ANKRD17: variants seen among roughly 807,000 people sequenced by gnomAD.
The protein encoded by ANKRD17 is ankyrin repeat domain 17, also known as ankyrin repeat domain-containing protein 17.
A neutral mutation model predicts 229.7 loss-of-function variants in ANKRD17; 19 were observed. The observed-to-expected ratio is 0.08, with a 90% CI of 0.06 to 0.12. ANKRD17 has a LOEUF of 0.12. Among genes scored for constraint, ANKRD17 ranks in the 10% least tolerant of loss-of-function variants. ANKRD17 has a pLI of 1.00. For missense variants in ANKRD17, 2,176 were observed against 3,176.8 expected, an observed-to-expected ratio of 0.68 and a Z score of 7.57; for synonymous variants, 1,112 against 1,146.1, an observed-to-expected ratio of 0.97 and a Z score of 0.60.
chr4:73,161,615 ACT>A (rs760393875), intron 2 of ANKRD17, among the ~76,000 whole-genome samples: 58 of 152,226 alleles, frequency 3.8e-4, no homozygotes, highest in Non-Finnish European at 7.1e-4. Flanking sequence ...GGACAATTAG[ACT>A]CTGTCATATC....
At chr4:73,235,191 G>A (rs572559421) in intron 1 of ANKRD17, among the ~76,000 whole-genome samples, 1 of 152,178 alleles carries the variant, frequency 6.6e-6, no homozygotes, top group Admixed American at 6.5e-5. Flanking sequence ...ATGTGCTTTG[G>A]GTAGAGGTGA....
chr4:73,236,879 C>G (rs1743560013), intron 1 of ANKRD17, among the ~76,000 whole-genome samples: 1 of 152,148 alleles, frequency 6.6e-6, no homozygotes, highest in Admixed American at 6.5e-5. Flanking sequence ...CCAAATCACA[C>G]AGTGTTAAAG....
intron 7 of ANKRD17, 101 bp downstream of exon 7, chr4:73,151,329 A>G: frequency 9.6e-7 from 1 of 1,037,078 alleles, no homozygotes; most frequent in East Asian, 2.6e-5. Flanking sequence ...AGGTTCTGAC[A>G]AACAGAATCA....
chr4:73,231,807 G>A (rs1380008461), intron 1 of ANKRD17, among the ~76,000 whole-genome samples: 1 of 152,136 alleles, frequency 6.6e-6, no homozygotes. Flanking sequence ...GAATAAAAGT[G>A]AAATCGATCC....
intron 1 of ANKRD17, among the ~76,000 whole-genome samples, chr4:73,191,900 C>G (rs1216972791): frequency 1.3e-5 from 2 of 152,010 alleles, no homozygotes; most frequent in African/African-American, 2.4e-5. Flanking sequence ...AATACTTGCA[C>G]ATGTAAGCAA....
chr4:73,173,911 C>T (rs1734370039), intron 2 of ANKRD17, among the ~76,000 whole-genome samples: 1 of 152,118 alleles, frequency 6.6e-6, no homozygotes, highest in Non-Finnish European at 1.5e-5. Flanking sequence ...GTGAAAAAAG[C>T]TTCCAACTGA....
At chr4:73,113,623 T>G (rs1179765631) in intron 24 of ANKRD17, among the ~76,000 whole-genome samples, 169 bp downstream of exon 24, 1 of 152,208 alleles carries the variant, frequency 6.6e-6, no homozygotes, top group Non-Finnish European at 1.5e-5. Flanking sequence ...CTTTCAATGA[T>G]GTTCAATGTA....
chr4:73,102,954 A>AAAAAATATTACATTTAGAAATATTTACAT (rs1191041733), intron 24 of ANKRD17, among the ~76,000 whole-genome samples: 5 of 152,162 alleles, frequency 3.3e-5, no homozygotes, highest in African/African-American at 1.2e-4. Context: ...AGAAAAAGTA[A>AAAAAATATTACATTTAGAAATATTTACAT]TTTGAAAGCT....
intron 24 of ANKRD17, among the ~76,000 whole-genome samples, chr4:73,110,243 G>A (rs1028585897): frequency 6.6e-6 from 1 of 152,184 alleles, no homozygotes; most frequent in African/African-American, 2.4e-5. Flanking sequence ...AACTTGACCA[G>A]ATGGAACTAC....
intron 1 of ANKRD17, among the ~76,000 whole-genome samples, chr4:73,222,503 A>T (rs558456269): frequency 4.3e-4 from 66 of 152,220 alleles, no homozygotes; most frequent in Non-Finnish European, 7.6e-4. Context: ...TACCAGCTAA[A>T]TTAAGCAATC....
intron 5 of ANKRD17, among the ~76,000 whole-genome samples, chr4:73,154,972 C>T (rs1402301969): frequency 2.0e-5 from 3 of 148,960 alleles, no homozygotes; most frequent in East Asian, 2.0e-4. Context: ...ACCCGGGAGG[C>T]GGAGCTTGCA....
intron 1 of ANKRD17, among the ~76,000 whole-genome samples, chr4:73,250,511 A>T (rs927081264): frequency 3.6e-5 from 5 of 137,524 alleles, no homozygotes; most frequent in Non-Finnish European, 7.7e-5. Flanking sequence ...GTGAGATGAG[A>T]ATTGCTTGAA....
chr4:73,143,874 G>A (rs1358238679), intron 11 of ANKRD17, among the ~76,000 whole-genome samples: 2 of 152,042 alleles, frequency 1.3e-5, no homozygotes, highest in Non-Finnish European at 2.9e-5. Flanking sequence ...CCAACTAGCT[G>A]GCACTACAGG....
At chr4:73,218,573 G>C (rs1263686358) in intron 1 of ANKRD17, among the ~76,000 whole-genome samples, 1 of 151,606 alleles carries the variant, frequency 6.6e-6, no homozygotes, top group Non-Finnish European at 1.5e-5. Flanking sequence ...AACCCCTGAG[G>C]GGGAGGTTGC....
intron 1 of ANKRD17, among the ~76,000 whole-genome samples, chr4:73,208,970 C>G (rs772508502): frequency 2.0e-5 from 3 of 152,016 alleles, no homozygotes; most frequent in African/African-American, 4.8e-5. Context: ...CCAGCACTTC[C>G]GGGGGTGGGC....
chr4:73,086,459 T>C (rs1722134936), intron 29 of ANKRD17, among the ~76,000 whole-genome samples: 1 of 152,210 alleles, frequency 6.6e-6, no homozygotes, highest in South Asian at 2.1e-4. Flanking sequence ...TACACATTTG[T>C]TTTTGAAATA....
chr4:73,244,689 T>C (rs1578510355), intron 1 of ANKRD17, among the ~76,000 whole-genome samples: 1 of 152,164 alleles, frequency 6.6e-6, no homozygotes, highest in African/African-American at 2.4e-5. Flanking sequence ...GTCTCTTTGT[T>C]CAAATGATCC....
chr4:73,169,909 C>G lies in ANKRD17; in HGVS notation c.547+7471G>C, dbSNP rs1344628750. Among the ~76,000 whole-genome samples the G allele has an allele frequency of 2.0e-5, 3 of 152,138 alleles. No individual in the cohort carries two copies. The East Asian group carries it at 5.8e-4, about 29-fold the overall frequency. On this transcript the variant is annotated intron_variant, in intron 2 of 33. Coordinates refer to ENST00000358602, the MANE Select transcript of ANKRD17 (RefSeq NM_032217.5). ...GCATAGCCGCAAGGAAATTGTCCAT[C>G]CCAGCAGTCCAAATTTGACTTCCAG...
intron 1 of ANKRD17, among the ~76,000 whole-genome samples, chr4:73,191,337 A>ATGTGTGTGTGTGTG (rs1349894740): frequency 5.8e-4 from 36 of 61,932 alleles, no homozygotes; most frequent in African/African-American, 2.1e-3. Context: ...ACCAAAAAAT[A>ATGTGTGTGTGTGTG]TATATGTGTG....
Sources: gnomAD v4.1 joint callset for allele counts (sites outside exome capture counted in the v4.1 genomes callset) on GRCh38, gnomAD v4.1.1 for gene constraint, MANE v1.5 for transcripts, NCBI Gene and HGNC (gene_info 2026-07-23, HGNC 2026-07-21) for gene names.